Variants in DEF8 observed in about 807,000 individuals in gnomAD.
The protein encoded by DEF8 is differentially expressed in FDCP 8 homolog.
In DEF8, 38 loss-of-function variants were observed where a neutral mutation model predicts 59.1. That is an observed-to-expected ratio of 0.64 (90% CI 0.50 to 0.84). The LOEUF is 0.84. Among genes scored for constraint, DEF8 ranks in the 40% least tolerant of loss-of-function variants. The pLI, the probability that DEF8 is intolerant of heterozygous loss-of-function variation, is 0.00. For synonymous variants in DEF8, 265 were observed against 250.1 expected (o/e 1.06, Z -0.56); for missense variants, 557 against 615.2 (o/e 0.91, Z 1.00).
At chr16:89,957,413 G>C (rs2033381342) in intron 4 of DEF8, 98 bp from the exon 5 acceptor site, 3 of 1,314,896 alleles carry the variant, frequency 2.3e-6, no homozygotes, top group Non-Finnish European at 3.1e-6. Flanking sequence ...TGGGTGAGGG[G>C]TGTCGGGGTC....
intron 2 of DEF8, 37 bp downstream of exon 2, chr16:89,949,550 G>C (rs775594255): frequency 6.2e-7 from 1 of 1,613,416 alleles, no homozygotes; most frequent in Non-Finnish European, 8.5e-7. Flanking sequence ...TCCGCACACC[G>C]GGGTGACTTC....
intron 7 of DEF8, 123 bp downstream of exon 7, chr16:89,961,218 A>T (rs8063761): frequency 0.32 from 403,417 of 1,270,314 alleles, 67,142 homozygotes; most frequent in African/African-American, 0.42. Context: ...TGCCTGCTTG[A>T]TATCTTTAGG....
intron 4 of DEF8, chr16:89,957,298 C>G (rs950715204): frequency 4.5e-6 from 2 of 444,314 alleles, no homozygotes; most frequent in Admixed American, 7.8e-5. Flanking sequence ...TGTGGGCAGG[C>G]AGGTCAGGCT....
At chr16:89,950,429 C>A (rs907452483) in intron 2 of DEF8, 2 of 818,880 alleles carry the variant, frequency 2.4e-6, no homozygotes, top group Non-Finnish European at 2.9e-6. Flanking sequence ...TGCTGTGTTG[C>A]CTAGGCTGGA....
At chr16:89,964,360 G>T in intron 11 of DEF8, 50 bp downstream of exon 11, 1 of 1,546,718 alleles carries the variant, frequency 6.5e-7, no homozygotes, top group East Asian at 2.4e-5. Flanking sequence ...CCCTGAGGGG[G>T]GATTGGCAGG....
At chr16:89,959,779 G>A (rs1240618614) in intron 6 of DEF8, among the ~76,000 whole-genome samples, 1 of 152,188 alleles carries the variant, frequency 6.6e-6, no homozygotes, top group African/African-American at 2.4e-5. Context: ...TTACAGGCGT[G>A]AGCCACCACG....
chr16:89,956,116 A>G (rs988373903), intron 4 of DEF8, among the ~76,000 whole-genome samples: 21 of 151,724 alleles, frequency 1.4e-4, no homozygotes, highest in Admixed American at 5.9e-4. Flanking sequence ...TATGCAAACC[A>G]TCTCCAACTT....
At chr16:89,957,965 TG>T (rs1165013659) in intron 5 of DEF8, 6 of 223,500 alleles carry the variant, frequency 2.7e-5, no homozygotes, top group African/African-American at 1.1e-4. Flanking sequence ...TCAGGAATCT[TG>T]CTCTCTTCCA....
At chr16:89,957,301 G>A in intron 4 of DEF8, 1 of 459,826 alleles carries the variant, frequency 2.2e-6, no homozygotes, top group East Asian at 3.4e-5. Flanking sequence ...GGGCAGGCAG[G>A]TCAGGCTAGG....
intron 2 of DEF8, 150 bp downstream of exon 2, chr16:89,949,663 G>A (rs1462959572): frequency 6.3e-7 from 1 of 1,592,338 alleles, no homozygotes; most frequent in African/African-American, 1.4e-5. Context: ...CGTGTCCTGA[G>A]CTTCGGCCCA....
intron 2 of DEF8, chr16:89,950,023 T>G (rs2031714901): frequency 9.7e-7 from 1 of 1,028,128 alleles, no homozygotes; most frequent in Non-Finnish European, 1.2e-6. Flanking sequence ...GGGCTGGCAC[T>G]GACTGTCAGT....
chr16:89,966,340 C>G lies in DEF8; in HGVS notation c.*377C>G, dbSNP rs2034602729. On this transcript the variant is annotated 3_prime_UTR_variant, in exon 13 of 13. Transcript: ENST00000563594. Reference sequence around the variant, plus strand: ...ATTCCACAGCTCCCGTCCTGGCCACCCTGGAAGCTCATCAGGCCAAGACCC... The same window carrying G: ...ATTCCACAGCTCCCGTCCTGGCCACGCTGGAAGCTCATCAGGCCAAGACCC... The G allele has an allele frequency of 5.7e-6, 1 of 176,990 alleles. No individual in the cohort carries two copies. Among genetic ancestry groups the G allele is most frequent in the Non-Finnish European group, 1.2e-5 (1 of 82,362 alleles). 11.0% of individuals were successfully genotyped at this position (176,990 alleles called of 1,614,324 possible). A position where few individuals can be genotyped will look rare whatever the true frequency, so the allele number is the denominator to read the frequency against.
Position 89,955,118 on chromosome 16 carries a change from G to A in DEF8, c.125-51G>A, listed in dbSNP as rs547013488. The A allele has an allele frequency of 6.8e-5, 98 of 1,431,286 alleles. 1 individual carries two copies. The South Asian group carries it at 1.0e-3, about 15-fold the overall frequency. The allele number at this position is 1,431,286 out of a possible 1,614,324, so 88.7% of individuals were successfully genotyped here. ...ATCTCAGCTCCTCCCTAGGGGATGG[G>A]AGGCAGGAGGTAGCAGCTGACGCTC... On this transcript the variant is annotated intron_variant, in intron 3 of 12. Coordinates refer to ENST00000563594, the MANE Select transcript of DEF8 (RefSeq NM_001242818.2).
Position 89,966,800 on chromosome 16 carries a change from A to G in DEF8, c.*837A>G, listed in dbSNP as rs1335995524. The G allele has an allele frequency of 6.5e-6, 1 of 153,526 alleles. No individual in the cohort carries two copies. The highest frequency in any genetic ancestry group is 1.5e-5 in the Non-Finnish European group (1 of 68,804). 9.5% of individuals were successfully genotyped at this position (153,526 alleles called of 1,614,324 possible). ...TGCTGGGGGAGGTTCCAGTTAGGCGATGGGATCCTGCAGTGGTCTGGTGGC... is the reference window on the plus strand; with the variant it reads ...TGCTGGGGGAGGTTCCAGTTAGGCGGTGGGATCCTGCAGTGGTCTGGTGGC... On this transcript the variant is annotated 3_prime_UTR_variant, in exon 13 of 13. Coordinates refer to ENST00000563594, the MANE Select transcript of DEF8 (RefSeq NM_001242818.2).
intron 9 of DEF8, among the ~76,000 whole-genome samples, chr16:89,963,090 G>C (rs2034242301): frequency 6.6e-6 from 1 of 152,260 alleles, no homozygotes; most frequent in Non-Finnish European, 1.5e-5. Flanking sequence ...GTTTGGCTTG[G>C]TCCTGAGGCT....
At chr16:89,948,951 TGGGAGGGACGGGG>T (rs2031297186) in intron 1 of DEF8, 137 bp downstream of exon 1, 2 of 17,478 alleles carry the variant, frequency 1.1e-4, no homozygotes, top group African/African-American at 1.1e-3. Context: ...GGGACGGGGC[TGGGAGGGACGGGG>T]CCGGCGGGGA....
intron 3 of DEF8, 64 bp from the exon 4 acceptor site, chr16:89,955,105 C>A: frequency 1.5e-6 from 2 of 1,334,654 alleles, no homozygotes; most frequent in Non-Finnish European, 2.1e-6. Flanking sequence ...CTCAGCTCCT[C>A]CCTAGGGGAT....
intron 12 of DEF8, among the ~76,000 whole-genome samples, chr16:89,964,913 T>G (rs1426088063): frequency 6.6e-6 from 1 of 152,230 alleles, no homozygotes; most frequent in Admixed American, 6.5e-5. Context: ...AGGATTGAAG[T>G]CACTCTTTCA....
At position 89,962,083 on chromosome 16, in the gene DEF8, C is replaced by T; in HGVS notation, c.879C>T (p.Asn293=). 1 of 1,614,104 alleles carries T rather than the reference C, an allele frequency of 6.2e-7. No individual in the cohort carries two copies. The highest frequency in any genetic ancestry group is 8.5e-7 in the Non-Finnish European group (1 of 1,180,002). ...SRPVLRLREI[N]PLLFSYVEEL... is the part of the protein sequence containing the mutation. Reference sequence around the variant, plus strand: ...CCGTACTCAGGCTCCGGGAGATCAACCCTCTGCTGTTCAGCTACGTGGAGG... The same window carrying T: ...CCGTACTCAGGCTCCGGGAGATCAATCCTCTGCTGTTCAGCTACGTGGAGG... Residue 293 remains asparagine (N), a synonymous_variant, in exon 9 of 13, where the codon AAC becomes AAT. Coordinates refer to ENST00000563594, the MANE Select transcript of DEF8 (RefSeq NM_001242818.2).
Sources: gnomAD v4.1 joint callset for allele counts (sites outside exome capture counted in the v4.1 genomes callset) on GRCh38, gnomAD v4.1.1 for gene constraint, MANE v1.5 for transcripts, NCBI Gene and HGNC (gene_info 2026-07-23, HGNC 2026-07-21) for gene names.